The following PREX2 variants were observed in gnomAD, a reference collection of about 807,000 sequenced individuals.
The protein encoded by PREX2 is phosphatidylinositol-3,4,5-trisphosphate dependent Rac exchange factor 2.
A neutral mutation model predicts 203.2 loss-of-function variants in PREX2; 107 were observed. That is an observed-to-expected ratio of 0.53 (90% CI 0.45 to 0.62). The LOEUF (loss-of-function observed/expected upper bound fraction) is 0.62. Ranked by LOEUF, PREX2 falls within the 20% of genes least tolerant of loss-of-function variation. The probability of loss-of-function intolerance (pLI) is 0.00; values close to 1 mark genes in which losing one functional copy is unlikely to be tolerated. For missense variants in PREX2, 1,777 were observed against 1,955.9 expected, an observed-to-expected ratio of 0.91 and a Z score of 1.72; for synonymous variants, 672 against 663.6, an observed-to-expected ratio of 1.01 and a Z score of -0.19.
Position 67,952,409 on chromosome 8 carries a change from C to A in PREX2, c.15C>A (p.Ser5Arg). 6.4e-7 allele frequency: 1 copy of A among 1,562,320 alleles called. No homozygotes were observed. The highest frequency in any genetic ancestry group is 1.2e-5 in the South Asian group (1 of 84,652). MSED[S>R]RGDSRAESAK... is the part of the protein sequence containing the mutation. ...CGCCGCCGACCATGAGCGAGGACAG[C>A]CGCGGAGACAGCCGCGCCGAGAGCG... Residue 5 changes from serine (S) to arginine (R), a missense_variant, in exon 1 of 40, where the codon AGC becomes AGA. Physicochemically the swap from Ser to Arg is moderately radical, Grantham distance 110 (BLOSUM62 -1). Transcript: ENST00000288368.
At chr8:67,962,383 A>G (rs561029659) in intron 1 of PREX2, among the ~76,000 whole-genome samples, 1 of 152,216 alleles carries the variant, frequency 6.6e-6, no homozygotes, top group South Asian at 2.1e-4. Context: ...CCTTATTTCT[A>G]TCAGTAGCAC....
intron 25 of PREX2, among the ~76,000 whole-genome samples, chr8:68,115,168 C>G (rs143837603): frequency 0.02 from 2,995 of 151,782 alleles, 104 homozygotes; most frequent in African/African-American, 0.068. Flanking sequence ...GTTGGGATTA[C>G]AAGCATGCGC....
Position 68,109,540 on chromosome 8 carries a change from A to C in PREX2, c.3063A>C (p.Glu1021Asp), listed in dbSNP as rs1585801034. ...ATCTGCTAAAAGAAGAAGACTTAGA[A>C]ACCCAAGACATCTATCAGAAACTGC... ...LRYLLKEEDL[E>D]TQDIYQKLLG... The change falls in exon 25 of 40, where the codon GAA becomes GAC. Residue 1021 changes from glutamate to aspartate, a missense_variant. Transcript: ENST00000288368. The C allele has an allele frequency of 6.2e-7, 1 of 1,614,082 alleles. No homozygotes were observed. Among genetic ancestry groups the C allele is most frequent in the Non-Finnish European group, 8.5e-7 (1 of 1,179,942 alleles).
chr8:68,118,355 C>CA (rs370448093), intron 26 of PREX2, among the ~76,000 whole-genome samples, 195 bp from the exon 27 acceptor site: 6,328 of 82,436 alleles, frequency 0.077, 408 homozygotes, highest in African/African-American at 0.22. Flanking sequence ...ACTCCGTCTC[C>CA]AAAAAAAAAA....
At position 68,108,115 on chromosome 8, in the gene PREX2, C is replaced by T. The variant is rs367863793; in HGVS notation, c.2722C>T (p.Arg908Cys). Residue 908 changes from arginine to cysteine, a missense_variant, in exon 24 of 40, where the codon CGT becomes TGT. Transcript: ENST00000288368. The part of the protein sequence containing the change: ...QRISSYKKFS[R>C]VLKNRAWPTF... ...TGTTTTCTTTAATTTGCAGTTTTCT[C>T]GTGTACTGAAGAATAGGGCCTGGCC... The T allele has an allele frequency of 5.5e-5, 89 of 1,608,696 alleles. No homozygotes were observed. The highest frequency in any genetic ancestry group is 6.7e-5 in the Non-Finnish European group (79 of 1,177,422).
rs374991342 is a variant in PREX2, at chr8:68,044,295, G to A, written c.840-192G>A. On this transcript the variant is annotated intron_variant, in intron 7 of 39. Transcript: ENST00000288368. ...TTTATTTTTAAAAATTAGTATGCAA[G>A]TTGCATACTTCATTAAAGCAACCAG... is the stretch of plus-strand genomic sequence containing the variant. 4.3e-4 allele frequency among the ~76,000 whole-genome samples: 66 copies of A among 152,218 alleles called. 1 individual carries two copies. In the East Asian group the frequency reaches 9.3e-3, roughly 21 times the overall value.
At position 68,094,611 on chromosome 8, in the gene PREX2, T is replaced by C. The variant is rs191992167; in HGVS notation, c.2368+889T>C. On this transcript the variant is annotated intron_variant, in intron 21 of 39. Coordinates refer to ENST00000288368, the MANE Select transcript of PREX2 (RefSeq NM_024870.4). ...CACTCATATTATTGGTGGATGTCTC[T>C]GGATATCTTTGTTACACTATTAGGT... Among the ~76,000 whole-genome samples the C allele has an allele frequency of 5.9e-4, 90 of 152,384 alleles. 1 individual carries two copies. The highest frequency in any genetic ancestry group is 2.2e-3 in the African/African-American group (90 of 41,598).
At chr8:68,078,852 T>C (rs1373345281) in intron 15 of PREX2, among the ~76,000 whole-genome samples, 4 of 152,146 alleles carry the variant, frequency 2.6e-5, no homozygotes, top group Non-Finnish European at 5.9e-5. Flanking sequence ...TTGAGTTACA[T>C]CAAAAGTTTT....
intron 37 of PREX2, 51 bp from the exon 38 acceptor site, chr8:68,217,565 A>T (rs1812867013): frequency 7.6e-7 from 1 of 1,313,418 alleles, no homozygotes; most frequent in Non-Finnish European, 1.1e-6. Flanking sequence ...ATCATCTCAA[A>T]GGGTGTATCA....
chr8:68,020,122 C>T (rs1478350990), intron 3 of PREX2, among the ~76,000 whole-genome samples: 1 of 152,116 alleles, frequency 6.6e-6, no homozygotes, highest in Non-Finnish European at 1.5e-5. Context: ...CAGGAATTTT[C>T]CCCAAGGATG....
intron 35 of PREX2, among the ~76,000 whole-genome samples, chr8:68,159,523 G>C (rs1192439018): frequency 6.6e-6 from 1 of 152,152 alleles, no homozygotes; most frequent in Non-Finnish European, 1.5e-5. Flanking sequence ...AAAAATGGGT[G>C]AACTCTGCTC....
intron 1 of PREX2, among the ~76,000 whole-genome samples, chr8:68,017,171 A>C (rs1807430890): frequency 6.6e-6 from 1 of 152,136 alleles, no homozygotes; most frequent in South Asian, 2.1e-4. Flanking sequence ...GTCAAAACTT[A>C]ATGACCACTG....
intron 37 of PREX2, among the ~76,000 whole-genome samples, chr8:68,205,437 A>G (rs1563587121): frequency 6.6e-6 from 1 of 152,174 alleles, no homozygotes; most frequent in Non-Finnish European, 1.5e-5. Flanking sequence ...TTCGCTTGTC[A>G]CCAAAGCCTT....
chr8:68,040,316 G>A (rs1027329177), intron 7 of PREX2, among the ~76,000 whole-genome samples: 5 of 151,966 alleles, frequency 3.3e-5, no homozygotes, highest in African/African-American at 7.3e-5. Context: ...GTGAGCCACC[G>A]TGCTTGGCCC....
intron 34 of PREX2, among the ~76,000 whole-genome samples, chr8:68,156,838 G>C (rs1055307019): frequency 1.3e-5 from 2 of 152,088 alleles, no homozygotes; most frequent in African/African-American, 4.8e-5. Flanking sequence ...TAGTACAGAG[G>C]GGGAGACACT....
intron 37 of PREX2, among the ~76,000 whole-genome samples, chr8:68,200,230 TTTCCCTTTGGAATGG>T (rs1812475033): frequency 6.6e-6 from 1 of 152,100 alleles, no homozygotes; most frequent in African/African-American, 2.4e-5. Flanking sequence ...TATGCTTTAA[TTTCCCTTTGGAATGG>T]AAAAAAGAAA....
At chr8:68,119,646 A>G (rs1308382531) in intron 28 of PREX2, 132 bp downstream of exon 28, 8 of 647,902 alleles carry the variant, frequency 1.2e-5, no homozygotes, top group South Asian at 2.1e-5. Flanking sequence ...CTTTACCTCA[A>G]TTTCTGACAT....
In PREX2 at chr8:68,007,842, C is replaced by G. The variant is rs529679407; in HGVS notation, c.142-10004C>G. ...GCCAAGATGGTCTCGATCTCCTGAC[C>G]TCATGATCCGCCCACCTCGGCCTCC... On this transcript the variant is annotated intron_variant, in intron 1 of 39. Transcript: ENST00000288368. 1.0e-3 allele frequency among the ~76,000 whole-genome samples: 155 copies of G among 152,342 alleles called. 1 individual carries two copies. The Middle Eastern group carries it at 0.014, about 13-fold the overall frequency.
chr8:68,003,949 A>T (rs1585696956), intron 1 of PREX2, among the ~76,000 whole-genome samples: 1 of 142,462 alleles, frequency 7.0e-6, no homozygotes, highest in African/African-American at 2.6e-5. Flanking sequence ...CCCCCGTTCC[A>T]GCGATTCTCC....
Sources: allele counts gnomAD v4.1 joint callset (sites outside exome capture counted in the v4.1 genomes callset), GRCh38; gene constraint gnomAD v4.1.1; transcripts MANE v1.5; gene names NCBI Gene and HGNC (gene_info 2026-07-23, HGNC 2026-07-21).